CCDC66: variants seen among roughly 807,000 people sequenced by gnomAD.
CCDC66 encodes the protein coiled-coil domain containing 66, also known as coiled-coil domain-containing protein 66.
A neutral mutation model predicts 128.3 loss-of-function variants in CCDC66; 133 were observed. The ratio of observed to expected loss-of-function variants is 1.04; its 90% confidence interval spans 0.90 to 1.20. CCDC66 has a LOEUF of 1.20. Among genes scored for constraint, CCDC66 ranks in the 50% most tolerant of loss-of-function variants. The pLI is 0.00. For missense variants in CCDC66, 1,126 were observed against 1,075.5 expected (o/e 1.05, Z -0.66); for synonymous variants, 387 against 357.0 (o/e 1.08, Z -0.95).
chr3:56,564,093 T>C lies in CCDC66; in HGVS notation c.512T>C (p.Leu171Pro), dbSNP rs1046614453. Residue 171 changes from leucine to proline, a missense_variant, in exon 4 of 18, where the codon CTT (leucine) becomes CCT (proline). Coordinates refer to ENST00000394672, the MANE Select transcript of CCDC66 (RefSeq NM_001141947.3). ...LMTVNQGNRS[L>P]SLTENGKEAK... ...ACTGTAAACCAAGGAAATAGATCTC[T>C]TTCCCTGACTGAGAATGGAAAGGAG... The C allele has an allele frequency of 1.2e-6, 2 of 1,603,416 alleles. No individual in the cohort carries two copies. The highest frequency in any genetic ancestry group is 1.7e-6 in the Non-Finnish European group (2 of 1,174,860).
chr3:56,558,390 G>A (rs1295086897), intron 1 of CCDC66, among the ~76,000 whole-genome samples: 1 of 152,164 alleles, frequency 6.6e-6, no homozygotes, highest in East Asian at 1.9e-4. Context: ...GGTACTCTTT[G>A]CTCAAGCAGT....
At chr3:56,591,760 TCTTTA>T (rs961335063) in intron 7 of CCDC66, among the ~76,000 whole-genome samples, 4 of 152,224 alleles carry the variant, frequency 2.6e-5, no homozygotes, top group Admixed American at 2.0e-4. Flanking sequence ...GATAGAAGGA[TCTTTA>T]CTTTTTGTAT....
At chr3:56,620,999 A>AAAGTT (rs1553717553) in intron 17 of CCDC66, 2 of 84,134 alleles carry the variant, frequency 2.4e-5, no homozygotes, top group East Asian at 3.6e-4. Context: ...AAAAATACAA[A>AAAGTT]AAGTTAGTTA....
intron 10 of CCDC66, among the ~76,000 whole-genome samples, chr3:56,607,384 A>G (rs2074226302): frequency 6.6e-6 from 1 of 151,960 alleles, no homozygotes; most frequent in Admixed American, 6.6e-5. Context: ...ATTCCTAAGT[A>G]TTTTATATAT....
At chr3:56,606,558 C>G (rs935192601) in intron 10 of CCDC66, among the ~76,000 whole-genome samples, 1 of 151,970 alleles carries the variant, frequency 6.6e-6, no homozygotes, top group Non-Finnish European at 1.5e-5. Context: ...TTTGCACTTT[C>G]TGGGTTGAGG....
chr3:56,566,575 CAT>C lies in CCDC66; in HGVS notation c.545-18_545-17del, dbSNP rs1291408213. 2.0e-6 allele frequency: 3 copies of C among 1,474,320 alleles called. No individual in the cohort carries two copies. Among genetic ancestry groups the C allele is most frequent in the South Asian group, 2.3e-5 (2 of 86,072 alleles). The allele number at this position is 1,474,320 out of a possible 1,614,324, so 91.3% of individuals were successfully genotyped here. The stretch of plus-strand genomic sequence containing the variant: ...ATGTAATTTAGTGTTAATTTTAAAA[CAT>C]GTATTTTACCTCCTAGGTCAATATA... On this transcript the variant is annotated splice_polypyrimidine_tract_variant and intron_variant, in intron 4 of 17. Transcript: ENST00000394672.
intron 7 of CCDC66, among the ~76,000 whole-genome samples, chr3:56,580,590 T>G (rs2068187681): frequency 6.6e-6 from 1 of 151,864 alleles, no homozygotes; most frequent in Non-Finnish European, 1.5e-5. Context: ...CAGGAGCTCT[T>G]GTAAGGCAGG....
chr3:56,572,673 G>A (rs1003630235), intron 7 of CCDC66: 1 of 165,698 alleles, frequency 6.0e-6, no homozygotes, highest in Non-Finnish European at 1.3e-5. Flanking sequence ...GATTCTGGTG[G>A]TAGAAATTTT....
intron 4 of CCDC66, among the ~76,000 whole-genome samples, chr3:56,566,330 G>A (rs2065857126): frequency 6.6e-6 from 1 of 152,010 alleles, no homozygotes; most frequent in Non-Finnish European, 1.5e-5. Context: ...TTGTCATGTT[G>A]CCCAGGCTGA....
intron 10 of CCDC66, among the ~76,000 whole-genome samples, chr3:56,611,838 G>A (rs2004199): frequency 0.32 from 48,977 of 151,900 alleles, 8,381 homozygotes; most frequent in East Asian, 0.48. Flanking sequence ...AGCTTCTCCC[G>A]CAAAGACTTT....
chr3:56,619,380 G>GT lies in CCDC66; in HGVS notation c.2488_2489insT (p.Gly830ValfsTer3). 6.2e-7 allele frequency: 1 copy of GT among 1,613,870 alleles called. No homozygotes were observed. The highest frequency in any genetic ancestry group is 1.1e-5 in the South Asian group (1 of 91,066). ...CTATGAGAGAGAGAATTTGATCTCAGGAAGTAATCAAACAGAATTATCATC... is the reference window on the plus strand; with the variant it reads ...CTATGAGAGAGAGAATTTGATCTCAGTGAAGTAATCAAACAGAATTATCATC... On this transcript the variant is annotated frameshift_variant, in exon 16 of 18. Coordinates refer to ENST00000394672, the MANE Select transcript of CCDC66 (RefSeq NM_001141947.3). LOFTEE classifies it high-confidence loss of function.
At chr3:56,558,593 T>C (rs2064687561) in intron 1 of CCDC66, among the ~76,000 whole-genome samples, 1 of 152,210 alleles carries the variant, frequency 6.6e-6, no homozygotes, top group Admixed American at 6.5e-5. Context: ...AGTTTACCAA[T>C]AACAAAATGA....
intron 7 of CCDC66, among the ~76,000 whole-genome samples, chr3:56,588,271 G>T (rs1026583095): frequency 8.5e-5 from 13 of 152,310 alleles, no homozygotes; most frequent in Non-Finnish European, 1.9e-4. Flanking sequence ...AAAGGCATAA[G>T]AATGATACAG....
chr3:56,611,749 G>A (rs771987275), intron 10 of CCDC66, among the ~76,000 whole-genome samples: 7 of 152,164 alleles, frequency 4.6e-5, no homozygotes, highest in Non-Finnish European at 8.8e-5. Context: ...AGCTCCCAGT[G>A]TCTTTCTGCT....
At chr3:56,590,978 G>A (rs1168121252) in intron 7 of CCDC66, among the ~76,000 whole-genome samples, 1 of 152,106 alleles carries the variant, frequency 6.6e-6, no homozygotes, top group African/African-American at 2.4e-5. Context: ...ACACAAATAT[G>A]CCTTACTCAC....
chr3:56,600,985 A>T (rs1369146266), intron 10 of CCDC66, among the ~76,000 whole-genome samples: 1 of 152,048 alleles, frequency 6.6e-6, no homozygotes, highest in Admixed American at 6.5e-5. Flanking sequence ...TAGTTTAATT[A>T]GATCCCATTT....
At chr3:56,610,331 A>C (rs1390395911) in intron 10 of CCDC66, among the ~76,000 whole-genome samples, 1 of 151,866 alleles carries the variant, frequency 6.6e-6, no homozygotes, top group Non-Finnish European at 1.5e-5. Flanking sequence ...TTGAGCTCTA[A>C]ATTTCTTTCT....
intron 7 of CCDC66, among the ~76,000 whole-genome samples, chr3:56,579,012 C>T (rs1241207246): frequency 3.3e-5 from 5 of 151,684 alleles, no homozygotes; most frequent in Non-Finnish European, 5.9e-5. Context: ...TACCTCTGGT[C>T]GAATTTGGCT....
At chr3:56,580,108 A>G (rs1462484390) in intron 7 of CCDC66, among the ~76,000 whole-genome samples, 3 of 151,800 alleles carry the variant, frequency 2.0e-5, no homozygotes, top group Non-Finnish European at 4.4e-5. Context: ...TTGGTTGCAT[A>G]TATATTTAGG....
Sources: allele counts gnomAD v4.1 joint callset (sites outside exome capture counted in the v4.1 genomes callset), GRCh38; gene constraint gnomAD v4.1.1; transcripts MANE v1.5; gene names NCBI Gene and HGNC (gene_info 2026-07-23, HGNC 2026-07-21).